PCDH15: variants seen among roughly 807,000 people sequenced by gnomAD.
PCDH15 encodes protocadherin related 15, also known as protocadherin-15.
In PCDH15, 129 loss-of-function variants were observed where a neutral mutation model predicts 178.5. The observed-to-expected ratio is 0.72, with a 90% CI of 0.63 to 0.84. The LOEUF (loss-of-function observed/expected upper bound fraction) is 0.84. Among genes scored for constraint, PCDH15 ranks in the 40% least tolerant of loss-of-function variants. PCDH15 has a pLI of 0.00. For missense variants in PCDH15, 2,230 were observed against 2,099.9 expected, an observed-to-expected ratio of 1.06 and a Z score of -1.21; for synonymous variants, 800 against 732.0, an observed-to-expected ratio of 1.09 and a Z score of -1.50.
At chr10:55,427,342 G>T (rs903086072) in intron 2 of PCDH15, among the ~76,000 whole-genome samples, 3 of 152,122 alleles carry the variant, frequency 2.0e-5, no homozygotes, top group Non-Finnish European at 4.4e-5. Context: ...AATGTTATAA[G>T]GGTGTCAAGT....
At chr10:54,205,427 G>A (rs767260938) in intron 10 of PCDH15, among the ~76,000 whole-genome samples, 1 of 151,290 alleles carries the variant, frequency 6.6e-6, no homozygotes, top group Admixed American at 6.6e-5. Flanking sequence ...CTCTACAAAA[G>A]CTATAGGTCC....
rs2132341929 is a variant in PCDH15, at chr10:53,804,018, T to G, written c.*2561A>C. On this transcript the variant is annotated 3_prime_UTR_variant, in exon 38 of 38. Transcript: ENST00000644397. ...TGGGTTCCACAGTTTTAATCCTGAG[T>G]CAGGGATTTATAGACTAGTGAAAGT... 6.6e-6 allele frequency: 1 copy of G among 152,118 alleles called. No individual in the cohort carries two copies. Among genetic ancestry groups the G allele is most frequent in the Non-Finnish European group, 1.5e-5 (1 of 67,896 alleles). The allele number at this position is 152,118 out of a possible 1,614,324, so 9.4% of individuals were successfully genotyped here. A position where few individuals can be genotyped will look rare whatever the true frequency, so the allele number is the denominator to read the frequency against.
At chr10:54,442,698 C>T (rs1224134731) in intron 3 of PCDH15, among the ~76,000 whole-genome samples, 1 of 150,540 alleles carries the variant, frequency 6.6e-6, no homozygotes, top group Non-Finnish European at 1.5e-5. Context: ...TTAAAATGCA[C>T]AGATCTGTCT....
intron 1 of PCDH15, among the ~76,000 whole-genome samples, chr10:55,217,369 C>T (rs1217270938): frequency 6.6e-6 from 1 of 151,840 alleles, no homozygotes; most frequent in Non-Finnish European, 1.5e-5. Context: ...AAAATATTTT[C>T]TGTTGCTGAG....
rs1318510767 is a variant in PCDH15 at position 54,693,555 on chromosome 10, G to A, written c.-28-29265C>T. On this transcript the variant is annotated intron_variant, in intron 1 of 37. Coordinates refer to ENST00000644397, the MANE Select transcript of PCDH15 (RefSeq NM_001384140.1). ...AGAAACTTTAGAGTCATGTTAAGTT[G>A]CTGACTATCTAACTTGGTTTCTGAA... Among the ~76,000 whole-genome samples the A allele has an allele frequency of 2.0e-5, 3 of 152,082 alleles. No homozygotes were observed. In the South Asian group the frequency reaches 6.2e-4, roughly 32 times the overall value.
chr10:54,533,828 C>A (rs2084189678), intron 2 of PCDH15, among the ~76,000 whole-genome samples: 1 of 152,116 alleles, frequency 6.6e-6, no homozygotes. Flanking sequence ...TTAGCTTTAA[C>A]CATTTCAAAT....
chr10:53,988,634 AG>A (rs1212417148), intron 21 of PCDH15, among the ~76,000 whole-genome samples: 1 of 152,158 alleles, frequency 6.6e-6, no homozygotes, highest in Non-Finnish European at 1.5e-5. Flanking sequence ...TGAGAAGCCA[AG>A]ATACCCTTTC....
chr10:53,821,708 T>TATC (rs1258954299), intron 32 of PCDH15: 17 of 1,463,076 alleles, frequency 1.2e-5, no homozygotes, highest in Non-Finnish European at 1.4e-5. Context: ...ATGAGGTTAA[T>TATC]ATCTTTTTAA....
intron 1 of PCDH15, among the ~76,000 whole-genome samples, chr10:55,262,127 AAAG>A (rs1393718707): frequency 7.1e-6 from 1 of 140,220 alleles, no homozygotes. Flanking sequence ...AAAGAAAAGA[AAAG>A]AAAGATGAAG....
chr10:53,976,382 C>T (rs909456948), intron 21 of PCDH15, among the ~76,000 whole-genome samples: 2 of 152,092 alleles, frequency 1.3e-5, no homozygotes, highest in Non-Finnish European at 2.9e-5. Flanking sequence ...TGGAGTTGAT[C>T]TCACACCCCC....
At chr10:54,802,114 C>T (rs1952678052), upstream of PCDH15, among the ~76,000 whole-genome samples, 1 of 152,154 alleles carries the variant, frequency 6.6e-6, no homozygotes, top group Non-Finnish European at 1.5e-5. Context: ...TTGAAAATGA[C>T]AGGTGAAGAC....
At chr10:55,074,060 GCA>G (rs1841818996) in intron 2 of PCDH15, among the ~76,000 whole-genome samples, 1 of 151,764 alleles carries the variant, frequency 6.6e-6, no homozygotes, top group Admixed American at 6.6e-5. Context: ...TTCTATGGCT[GCA>G]TAGTATTCCA....
intron 3 of PCDH15, among the ~76,000 whole-genome samples, chr10:54,480,417 C>T (rs2078632569): frequency 6.6e-6 from 1 of 151,882 alleles, no homozygotes; most frequent in Non-Finnish European, 1.5e-5. Context: ...CCGTAAGTGG[C>T]CTTGTGAGAC....
intron 1 of PCDH15, 149 bp from the exon 2 acceptor site, chr10:54,664,439 T>G: frequency 1.6e-6 from 1 of 630,450 alleles, no homozygotes; most frequent in South Asian, 1.8e-5. Flanking sequence ...CACACTGGTT[T>G]AATGCACTGG....
intron 2 of PCDH15, among the ~76,000 whole-genome samples, chr10:54,988,080 T>G (rs1169918377): frequency 1.3e-5 from 2 of 152,184 alleles, no homozygotes; most frequent in Non-Finnish European, 2.9e-5. Context: ...TTTCTGCATA[T>G]GACTAGCCAG....
intron 1 of PCDH15, among the ~76,000 whole-genome samples, chr10:54,717,670 A>C (rs1408200373): frequency 6.7e-5 from 9 of 134,884 alleles, no homozygotes; most frequent in South Asian, 2.4e-4. Flanking sequence ...GTGGGACTGT[A>C]AACTAGTTCA....
At chr10:54,016,745 G>A (rs965546374) in intron 20 of PCDH15, among the ~76,000 whole-genome samples, 1 of 152,172 alleles carries the variant, frequency 6.6e-6, no homozygotes, top group Non-Finnish European at 1.5e-5. Flanking sequence ...TGGACAGATG[G>A]AGGAGAGTGA....
chr10:55,284,819 G>T (rs1179478546), intron 1 of PCDH15, among the ~76,000 whole-genome samples: 1 of 151,926 alleles, frequency 6.6e-6, no homozygotes, highest in African/African-American at 2.4e-5. Flanking sequence ...CATCAGAAAT[G>T]AATGCTAAAA....
chr10:54,242,890 AG>A (rs2055556212), intron 8 of PCDH15, among the ~76,000 whole-genome samples: 1 of 152,196 alleles, frequency 6.6e-6, no homozygotes, highest in Non-Finnish European at 1.5e-5. Flanking sequence ...CTGTTATAAA[AG>A]CCAAACTTTG....
Sources: allele counts gnomAD v4.1 joint callset (sites outside exome capture counted in the v4.1 genomes callset), GRCh38; gene constraint gnomAD v4.1.1; transcripts MANE v1.5; gene names NCBI Gene and HGNC (gene_info 2026-07-23, HGNC 2026-07-21).